The following SRGAP2C variants were observed in gnomAD, a reference collection of about 807,000 sequenced individuals.
The protein encoded by SRGAP2C is SLIT-ROBO Rho GTPase activating protein 2C.
Under a neutral mutation model 25.1 loss-of-function variants are expected in SRGAP2C, and 15 were observed. The observed-to-expected ratio is 0.60, with a 90% CI of 0.40 to 0.92. SRGAP2C has a LOEUF of 0.92. Among genes scored for constraint, SRGAP2C ranks in the 40% least tolerant of loss-of-function variants. SRGAP2C has a pLI of 0.00. For missense variants in SRGAP2C, 144 were observed against 264.4 expected (o/e 0.54, Z 3.16); for synonymous variants, 44 against 96.6 (o/e 0.46, Z 3.19).
rs1362988878 is a variant in SRGAP2C, at chr1:121,366,961, G to T, written c.486+1606G>T. Among the ~76,000 whole-genome samples, 4 of 101,094 alleles carry T rather than the reference G, an allele frequency of 4.0e-5. 1 individual carries two copies. The highest frequency in any genetic ancestry group is 6.9e-5 in the African/African-American group (2 of 28,976). The allele number at this position is 101,094 out of a possible 152,430, so 66.3% of individuals were successfully genotyped here. On this transcript the variant is annotated intron_variant, in intron 5 of 9. Coordinates refer to ENST00000367123, the MANE Select transcript of SRGAP2C (RefSeq NM_001329984.2). ...CTTTAAAAAAAAAAATAAGTGAAAGGGCGTAAGCTGTGTTTGAGTGAGGAA... is the reference window on the plus strand; with the variant it reads ...CTTTAAAAAAAAAAATAAGTGAAAGTGCGTAAGCTGTGTTTGAGTGAGGAA...
In SRGAP2C at chr1:121,199,536, A is replaced by G. The variant is rs1654924393; in HGVS notation, c.67+12023A>G. Among the ~76,000 whole-genome samples, 7 of 77,196 alleles carry G rather than the reference A, an allele frequency of 9.1e-5. 3 individuals are homozygous for G. Among genetic ancestry groups the G allele is most frequent in the African/African-American group, 4.4e-4 (7 of 15,836 alleles). 50.6% of individuals were successfully genotyped at this position (77,196 alleles called of 152,430 possible). ...CCTGGCTGGGTGGCTCAAGCCTGTA[A>G]TCCCAGCACTTTGGGAGGCCGAGGC... On this transcript the variant is annotated intron_variant, in intron 2 of 9. Coordinates refer to ENST00000367123, the MANE Select transcript of SRGAP2C (RefSeq NM_001329984.2).
intron 3 of SRGAP2C, among the ~76,000 whole-genome samples, chr1:121,294,523 T>C (rs1234785202): frequency 4.6e-5 from 6 of 130,302 alleles, no homozygotes; most frequent in East Asian, 2.5e-4. Context: ...GAGCCTTTGA[T>C]TGTCTCTTTT....
intron 2 of SRGAP2C, among the ~76,000 whole-genome samples, chr1:121,213,040 T>C (rs1553324114): frequency 1.3e-5 from 2 of 149,208 alleles, no homozygotes; most frequent in Admixed American, 6.7e-5. Context: ...TAATTAGTTT[T>C]CTAATTTTTT....
intron 3 of SRGAP2C, among the ~76,000 whole-genome samples, chr1:121,310,499 C>G (rs1216435873): frequency 1.3e-5 from 1 of 74,852 alleles, no homozygotes; most frequent in East Asian, 5.2e-4. Context: ...AGTCCTTGCC[C>G]ACGCCTATGT....
In SRGAP2C at chr1:121,241,268, A is replaced by G. The variant is rs1656118679; in HGVS notation, c.68-43535A>G. Among the ~76,000 whole-genome samples the G allele has an allele frequency of 3.0e-5, 2 of 66,826 alleles. 1 individual carries two copies. Among genetic ancestry groups the G allele is most frequent in the South Asian group, 7.3e-4 (2 of 2,728 alleles). The allele number at this position is 66,826 out of a possible 152,430, so 43.8% of individuals were successfully genotyped here. A position where few individuals can be genotyped will look rare whatever the true frequency, so the allele number is the denominator to read the frequency against. On this transcript the variant is annotated intron_variant, in intron 2 of 9. Transcript: ENST00000367123. ...TTAAATATTAATAAATTTATTAAAT[A>G]TTATTAAATTTATTAAATATTGTGG...
At chr1:121,360,666 G>T (rs1284990294) in intron 4 of SRGAP2C, 1 of 35,490 alleles carries the variant, frequency 2.8e-5, no homozygotes, top group African/African-American at 1.1e-4. Flanking sequence ...ATTCCTTTTA[G>T]CCCTCTCCTC....
At position 121,261,094 on chromosome 1, in the gene SRGAP2C, A is replaced by ATTTTTTTTT. The variant is rs1211026484; in HGVS notation, c.68-23688_68-23680dup. On this transcript the variant is annotated intron_variant, in intron 2 of 9. Transcript: ENST00000367123. The stretch of plus-strand genomic sequence containing the variant: ...CAGACATGCACCACCACACCTGGCT[A>ATTTTTTTTT]TTTTTTTTTTTTTTTTTTTTTTTTT... Among the ~76,000 whole-genome samples the ATTTTTTTTT allele has an allele frequency of 2.9e-3, 76 of 26,270 alleles. 4 individuals carry two copies. Among genetic ancestry groups the ATTTTTTTTT allele is most frequent in the East Asian group, 6.3e-3 (4 of 630 alleles). 17.2% of individuals were successfully genotyped at this position (26,270 alleles called of 152,430 possible). A position where few individuals can be genotyped will look rare whatever the true frequency, so the allele number is the denominator to read the frequency against.
chr1:121,355,351 T>C (rs1441978885), intron 4 of SRGAP2C, among the ~76,000 whole-genome samples: 1 of 83,118 alleles, frequency 1.2e-5, no homozygotes. Context: ...GGAGTTTCGC[T>C]CTGTCACCCA....
chr1:121,350,796 AAAATG>A (rs1432744870), intron 4 of SRGAP2C, among the ~76,000 whole-genome samples: 5 of 151,634 alleles, frequency 3.3e-5, no homozygotes, highest in African/African-American at 1.2e-4. Context: ...CACTGTCAAG[AAAATG>A]AAAAGACAGC....
At chr1:121,259,412 A>G (rs1227942233) in intron 2 of SRGAP2C, among the ~76,000 whole-genome samples, 1 of 136,358 alleles carries the variant, frequency 7.3e-6, no homozygotes, top group Non-Finnish European at 1.6e-5. Flanking sequence ...CCAGGGAGTC[A>G]GGGTTTGCAG....
At chr1:121,194,386 AAAAC>A (rs1553320224) in intron 2 of SRGAP2C, among the ~76,000 whole-genome samples, 1 of 141,846 alleles carries the variant, frequency 7.0e-6, no homozygotes, top group Non-Finnish European at 1.5e-5. Flanking sequence ...GCAAGAAAAA[AAAAC>A]AAAAAACAAA....
At chr1:121,366,359 G>A (rs1449931478) in intron 5 of SRGAP2C, among the ~76,000 whole-genome samples, 1 of 122,350 alleles carries the variant, frequency 8.2e-6, no homozygotes, top group Non-Finnish European at 1.7e-5. Flanking sequence ...AGATGTTGCT[G>A]ATCCAGAAGC....
At chr1:121,332,301 C>G (rs1658450038) in intron 4 of SRGAP2C, among the ~76,000 whole-genome samples, 1 of 94,930 alleles carries the variant, frequency 1.1e-5, no homozygotes. Flanking sequence ...AAGATCCTGT[C>G]TATCTGTATG....
chr1:121,263,283 C>G (rs1656673322), intron 2 of SRGAP2C, among the ~76,000 whole-genome samples: 3 of 151,214 alleles, frequency 2.0e-5, no homozygotes, highest in African/African-American at 7.3e-5. Flanking sequence ...GAGATCACAC[C>G]ACTGCACTCT....
chr1:121,220,396 AG>A (rs1196310833), intron 2 of SRGAP2C, among the ~76,000 whole-genome samples: 2 of 45,998 alleles, frequency 4.3e-5, no homozygotes, highest in African/African-American at 1.9e-4. Context: ...TGTGGGTCTC[AG>A]GGCCTGGGCT....
chr1:121,268,190 T>C lies in SRGAP2C; in HGVS notation c.68-16613T>C, dbSNP rs879956199. Among the ~76,000 whole-genome samples the C allele has an allele frequency of 3.3e-5, 5 of 150,748 alleles. 1 individual carries two copies. Among genetic ancestry groups the C allele is most frequent in the Non-Finnish European group, 7.4e-5 (5 of 67,536 alleles). On this transcript the variant is annotated intron_variant, in intron 2 of 9. Coordinates refer to ENST00000367123, the MANE Select transcript of SRGAP2C (RefSeq NM_001329984.2). ...AAATGAGGTAAGAGCATAGAGAGTGTCGGGGCACTTTCAGATGGAGTGGTC... is the reference window on the plus strand; with the variant it reads ...AAATGAGGTAAGAGCATAGAGAGTGCCGGGGCACTTTCAGATGGAGTGGTC...
chr1:121,359,376 C>T (rs71257418), intron 4 of SRGAP2C, among the ~76,000 whole-genome samples: 2,095 of 143,096 alleles, frequency 0.015, 44 homozygotes, highest in Admixed American at 0.065. Context: ...CACAGTCGCT[C>T]GAGAATATAA....
intron 3 of SRGAP2C, among the ~76,000 whole-genome samples, chr1:121,319,608 A>G (rs1553340897): frequency 1.3e-5 from 2 of 151,692 alleles, no homozygotes; most frequent in African/African-American, 4.8e-5. Context: ...AGCTGGGCTA[A>G]TGTCTTCGAA....
In SRGAP2C at chr1:121,275,101, A is replaced by G. The variant is rs1401828517; in HGVS notation, c.68-9702A>G. 7.8e-5 allele frequency among the ~76,000 whole-genome samples: 11 copies of G among 140,304 alleles called. No individual in the cohort carries two copies. In the East Asian group the frequency reaches 2.1e-3, roughly 27 times the overall value. The allele number at this position is 140,304 out of a possible 152,430, so 92.0% of individuals were successfully genotyped here. A position where few individuals can be genotyped will look rare whatever the true frequency, so the allele number is the denominator to read the frequency against. On this transcript the variant is annotated intron_variant, in intron 2 of 9. Transcript: ENST00000367123. ...ATTTTACTGATTTCTTCCTCTCTTAATGTAGTCTGGGACCATTATTTTGGC... is the reference window on the plus strand; with the variant it reads ...ATTTTACTGATTTCTTCCTCTCTTAGTGTAGTCTGGGACCATTATTTTGGC...
Sources: gnomAD v4.1 joint callset for allele counts (sites outside exome capture counted in the v4.1 genomes callset) on GRCh38, gnomAD v4.1.1 for gene constraint, MANE v1.5 for transcripts, NCBI Gene and HGNC (gene_info 2026-07-23, HGNC 2026-07-21) for gene names.